The following EPHX4 variants were observed in gnomAD, a reference collection of about 807,000 sequenced individuals.
EPHX4 encodes epoxide hydrolase 4.
A neutral mutation model predicts 44.9 loss-of-function variants in EPHX4; 31 were observed. The ratio of observed to expected loss-of-function variants is 0.69; its 90% CI spans 0.52 to 0.93. The LOEUF (loss-of-function observed/expected upper bound fraction) is 0.93. EPHX4 is among the 40% of genes least tolerant of loss of function. The pLI is 0.00. For synonymous variants in EPHX4, 151 were observed against 159.7 expected (o/e 0.95, Z 0.41); for missense variants, 373 against 438.1 (o/e 0.85, Z 1.33).
At chr1:92,040,947 T>C (rs1688500336) in intron 2 of EPHX4, among the ~76,000 whole-genome samples, 1 of 152,064 alleles carries the variant, frequency 6.6e-6, no homozygotes, top group African/African-American at 2.4e-5. Context: ...TCAGATAATT[T>C]TACACTGTAT....
At chr1:92,058,207 C>A (rs543283734) in intron 6 of EPHX4, among the ~76,000 whole-genome samples, 4 of 151,972 alleles carry the variant, frequency 2.6e-5, no homozygotes, top group African/African-American at 9.7e-5. Flanking sequence ...TTTGGAAGGC[C>A]GAGGTGGGTG....
chr1:92,043,868 G>T (rs2101869999), intron 3 of EPHX4: 2 of 152,276 alleles, frequency 1.3e-5, no homozygotes, highest in South Asian at 4.1e-4. Flanking sequence ...GAGCCCAGGT[G>T]CACAAGCTTA....
chr1:92,030,232 C>G lies in EPHX4; in HGVS notation c.153C>G (p.Phe51Leu). The change falls in exon 1 of 7, where the codon TTC becomes TTG. Residue 51 changes from phenylalanine to leucine, a missense_variant. Phe to Leu is a conservative substitution (Grantham distance 22). Coordinates refer to ENST00000370383, the MANE Select transcript of EPHX4 (RefSeq NM_173567.5). ...WSLGKGPAQT[F>L]RRPAREHPPA... Reference sequence around the variant, plus strand: ...TCGGCAAGGGGCCGGCGCAGACCTTCCGGCGGCCCGCCCGGGAGCACCCTC... The same window carrying G: ...TCGGCAAGGGGCCGGCGCAGACCTTGCGGCGGCCCGCCCGGGAGCACCCTC... The G allele has an allele frequency of 3.7e-6, 6 of 1,603,978 alleles. No homozygotes were observed. Among genetic ancestry groups the G allele is most frequent in the Non-Finnish European group, 5.1e-6 (6 of 1,175,476 alleles).
At chr1:92,039,891 C>T (rs2101868137) in intron 2 of EPHX4, among the ~76,000 whole-genome samples, 1 of 152,252 alleles carries the variant, frequency 6.6e-6, no homozygotes, top group Non-Finnish European at 1.5e-5. Flanking sequence ...TAACCTCAAG[C>T]CATCCGCCCA....
At chr1:92,057,494 A>G (rs1647394992) in intron 6 of EPHX4, among the ~76,000 whole-genome samples, 1 of 152,252 alleles carries the variant, frequency 6.6e-6, no homozygotes, top group Non-Finnish European at 1.5e-5. Context: ...CAAAAACATG[A>G]AAAGACTTAT....
At chr1:92,037,398 G>A (rs1315742537) in intron 2 of EPHX4, among the ~76,000 whole-genome samples, 1 of 152,062 alleles carries the variant, frequency 6.6e-6, no homozygotes, top group Non-Finnish European at 1.5e-5. Context: ...AAATCTAAAG[G>A]AAATATTAAA....
chr1:92,034,331 TATC>T (rs969019730), intron 2 of EPHX4, among the ~76,000 whole-genome samples: 2 of 142,144 alleles, frequency 1.4e-5, no homozygotes, highest in African/African-American at 5.2e-5. Flanking sequence ...GGGTGGTACA[TATC>T]ATGGCAGTAA....
At chr1:92,057,738 C>T (rs76811413) in intron 6 of EPHX4, among the ~76,000 whole-genome samples, 10,367 of 151,866 alleles carry the variant, frequency 0.068, 616 homozygotes, top group African/African-American at 0.16. Context: ...TACCTTGGAT[C>T]ACAGGTGTGT....
At chr1:92,030,414 A>T in intron 1 of EPHX4, 104 bp downstream of exon 1, 1 of 1,020,722 alleles carries the variant, frequency 9.8e-7, no homozygotes. Flanking sequence ...AGCGTCCCCT[A>T]GTGTCCTGGC....
At chr1:92,042,405 A>G (rs1688520746) in intron 2 of EPHX4, among the ~76,000 whole-genome samples, 1 of 151,390 alleles carries the variant, frequency 6.6e-6, no homozygotes. Context: ...AAAATAAGGA[A>G]TTTCTTACAG....
At chr1:92,057,840 A>G (rs1647403606) in intron 6 of EPHX4, among the ~76,000 whole-genome samples, 1 of 152,068 alleles carries the variant, frequency 6.6e-6, no homozygotes, top group Admixed American at 6.6e-5. Flanking sequence ...ACCTCAGGTG[A>G]TCCACCCACC....
intron 1 of EPHX4, among the ~76,000 whole-genome samples, chr1:92,031,190 G>A (rs551292374): frequency 6.6e-6 from 1 of 152,252 alleles, no homozygotes; most frequent in South Asian, 2.1e-4. Flanking sequence ...AATTAAATAG[G>A]TTAATATTTA....
At chr1:92,032,197 A>G (rs535894168) in intron 1 of EPHX4, among the ~76,000 whole-genome samples, 54 of 152,366 alleles carry the variant, frequency 3.5e-4, no homozygotes, top group African/African-American at 1.3e-3. Context: ...TCAGAAGCTC[A>G]TAATATATAA....
At chr1:92,033,893 G>A (rs1273460696) in intron 2 of EPHX4, among the ~76,000 whole-genome samples, 1 of 151,724 alleles carries the variant, frequency 6.6e-6, no homozygotes, top group African/African-American at 2.4e-5. Context: ...ATGAATTTTG[G>A]GAGAACATAT....
intron 6 of EPHX4, among the ~76,000 whole-genome samples, chr1:92,056,775 C>T (rs1228981446): frequency 6.6e-6 from 1 of 151,848 alleles, no homozygotes; most frequent in African/African-American, 2.4e-5. Flanking sequence ...GCCACCATAC[C>T]CAGCCTATTC....
intron 6 of EPHX4, among the ~76,000 whole-genome samples, chr1:92,059,059 G>C (rs1057049470): frequency 6.6e-6 from 1 of 152,156 alleles, no homozygotes; most frequent in African/African-American, 2.4e-5. Context: ...ATGAGGAAGG[G>C]AACTTCGTCT....
chr1:92,037,070 C>G (rs972194565), intron 2 of EPHX4, among the ~76,000 whole-genome samples: 1 of 152,078 alleles, frequency 6.6e-6, no homozygotes, highest in Non-Finnish European at 1.5e-5. Context: ...AAACTTCATG[C>G]ATGGCATTTC....
At chr1:92,049,961 C>T (rs1474545962) in intron 4 of EPHX4, among the ~76,000 whole-genome samples, 3 of 151,596 alleles carry the variant, frequency 2.0e-5, no homozygotes, top group East Asian at 3.9e-4. Flanking sequence ...TAGCCGGGCT[C>T]GGTGGTGGGC....
chr1:92,052,415 C>T lies in EPHX4; in HGVS notation c.709-95C>T, dbSNP rs1019635326. ...TAGAGCAGAAATTAGGAGTTGTCAC[C>T]ACACAATGACCACCATCCCCTTTCC... On this transcript the variant is annotated intron_variant, in intron 5 of 6. Coordinates refer to ENST00000370383, the MANE Select transcript of EPHX4 (RefSeq NM_173567.5). 1.2e-5 allele frequency: 15 copies of T among 1,213,500 alleles called. No homozygotes were observed. The African/African-American group carries it at 2.2e-4, about 18-fold the overall frequency. 75.2% of individuals were successfully genotyped at this position (1,213,500 alleles called of 1,614,324 possible). A position where few individuals can be genotyped will look rare whatever the true frequency, so the allele number is the denominator to read the frequency against.
Sources: gnomAD v4.1 joint callset for allele counts (sites outside exome capture counted in the v4.1 genomes callset) on GRCh38, gnomAD v4.1.1 for gene constraint, MANE v1.5 for transcripts, NCBI Gene and HGNC (gene_info 2026-07-23, HGNC 2026-07-21) for gene names.